AHNAK: variants seen among roughly 807,000 people sequenced by gnomAD.
The protein encoded by AHNAK is neuroblast differentiation-associated protein AHNAK.
In AHNAK, 23 loss-of-function variants were observed where a neutral mutation model predicts 37.8. The ratio of observed to expected loss-of-function variants is 0.61; its 90% CI spans 0.44 to 0.86. The LOEUF (loss-of-function observed/expected upper bound fraction) is 0.86. Among genes scored for constraint, AHNAK ranks in the 40% least tolerant of loss-of-function variants. The pLI is 0.00. For missense variants in AHNAK, 7,411 were observed against 7,319.4 expected, an observed-to-expected ratio of 1.01 and a Z score of -0.46; for synonymous variants, 2,481 against 2,636.3, an observed-to-expected ratio of 0.94 and a Z score of 1.80.
rs1940952595 is a variant in AHNAK, at chr11:62,536,458, C to A, written c.-1+11G>T. The A allele has an allele frequency of 4.8e-6, 1 of 206,518 alleles. No individual in the cohort carries two copies. The highest frequency in any genetic ancestry group is 9.7e-6 in the Non-Finnish European group (1 of 103,118). 12.8% of individuals were successfully genotyped at this position (206,518 alleles called of 1,614,324 possible). A position where few individuals can be genotyped will look rare whatever the true frequency, so the allele number is the denominator to read the frequency against. ...CACCTCCGCCTCTCTCTGCCTCTCC[C>A]ACCTACTGACCTTTGCAGGATTCCG... On this transcript the variant is annotated intron_variant, in intron 2 of 4. Transcript: ENST00000378024.
downstream of AHNAK, among the ~76,000 whole-genome samples, chr11:62,514,419 G>T (rs938553886): frequency 3.9e-5 from 6 of 152,238 alleles, 1 homozygote; most frequent in Non-Finnish European, 7.3e-5. Flanking sequence ...GATGTGTGCA[G>T]TTGTGTGCAT....
rs1466208642 is a variant in AHNAK, at chr11:62,518,992, T to A, written c.15425A>T (p.Lys5142Met). The A allele has an allele frequency of 5.6e-6, 9 of 1,614,062 alleles. No homozygotes were observed. Among genetic ancestry groups the A allele is most frequent in the Middle Eastern group, 1.6e-4 (1 of 6,084 alleles). ...GATGTCCACATCTGGCATCTTGACC[T>A]TGGGAGCCTTCGCCTTGATGTCAAG... ...EGLDIKAKAP[K>M]VKMPDVDISV... The change falls in exon 5 of 5, where the codon AAG becomes ATG. Residue 5142 changes from lysine to methionine, a missense_variant. Lys to Met is a moderately conservative substitution (Grantham distance 95, BLOSUM62 -1). Transcript: ENST00000378024.
chr11:62,464,937 C>T (rs560326122), intron 5 of AHNAK, among the ~76,000 whole-genome samples: 1 of 152,308 alleles, frequency 6.6e-6, no homozygotes, highest in South Asian at 2.1e-4. Context: ...CCTTGTGGAG[C>T]AGTAACAAAC....
intron 5 of AHNAK, among the ~76,000 whole-genome samples, chr11:62,478,028 G>C (rs1590615017): frequency 6.6e-6 from 1 of 152,228 alleles, no homozygotes; most frequent in East Asian, 1.9e-4. Context: ...TACACCAAGA[G>C]CAAAGGGAAG....
In AHNAK at chr11:62,528,654, C is replaced by A. The variant is rs200764526; in HGVS notation, c.5763G>T (p.Lys1921Asn). 17 of 1,610,354 alleles carry A rather than the reference C, an allele frequency of 1.1e-5. No homozygotes were observed. Among genetic ancestry groups the A allele is most frequent in the Non-Finnish European group, 1.4e-5 (17 of 1,179,270 alleles). ...GTAAGTCCACATCAGGCATGGAGAT[C>A]TTGGGGGCCTTGAAGTGCATGTCTG... ...KMPDMHFKAP[K>N]ISMPDVDLHL... Residue 1921 changes from lysine to asparagine, a missense_variant, in exon 5 of 5, where the codon AAG (lysine) becomes AAT (asparagine). Lys to Asn is a moderately conservative substitution (Grantham distance 94). Coordinates refer to ENST00000378024, the MANE Select transcript of AHNAK (RefSeq NM_001620.3).
chr11:62,450,315 G>A (rs891697654), intron 5 of AHNAK, among the ~76,000 whole-genome samples: 5 of 151,464 alleles, frequency 3.3e-5, no homozygotes, highest in East Asian at 1.9e-4. Flanking sequence ...CCACCACCAC[G>A]CCCGGCTATT....
Position 62,523,916 on chromosome 11 carries a change from CT to C in AHNAK, c.10500del (p.Gly3501GlufsTer5). On this transcript the variant is annotated frameshift_variant, in exon 5 of 5. Transcript: ENST00000378024. LOFTEE classifies it low-confidence loss of function (END_TRUNC). ...CTTGGGCCCTCTATGTTGATGTCTCCTTTTGGTAGATCCACAGCTACATCTG... is the reference window on the plus strand; with the variant it reads ...CTTGGGCCCTCTATGTTGATGTCTCCTTTGGTAGATCCACAGCTACATCTG... ...EGPDVAVDLP[K>X]GDINIEGPSM... 1.9e-6 allele frequency: 3 copies of C among 1,614,102 alleles called. No individual in the cohort carries two copies. Among genetic ancestry groups the C allele is most frequent in the Non-Finnish European group, 2.5e-6 (3 of 1,180,018 alleles).
rs769870328 is a variant in AHNAK at position 62,533,014 on chromosome 11, T to C, written c.1403A>G (p.Asp468Gly). Residue 468 changes from aspartate (D) to glycine (G), a missense_variant, in exon 5 of 5, where the codon GAT (aspartate) becomes GGT (glycine). Physicochemically the swap from Asp to Gly is moderately conservative, Grantham distance 94 (BLOSUM62 -1). Transcript: ENST00000378024. ...GEVTVPGVSG[D>G]VSLPEIATGG... ...AGTAGCAATCTCAGGCAGGCTGACA[T>C]CCCCAGAGACCCCAGGAACAGTCAC... The C allele has an allele frequency of 1.9e-6, 3 of 1,614,084 alleles. No individual in the cohort carries two copies. Among genetic ancestry groups the C allele is most frequent in the Admixed American group, 3.3e-5 (2 of 60,020 alleles).
chr11:62,518,671 T>C lies in AHNAK; in HGVS notation c.15746A>G (p.Glu5249Gly), dbSNP rs149153648. 1.2e-6 allele frequency: 2 copies of C among 1,613,986 alleles called. No homozygotes were observed. Among genetic ancestry groups the C allele is most frequent in the African/African-American group, 2.7e-5 (2 of 74,928 alleles). The change falls in exon 5 of 5, where the codon GAG becomes GGG. Residue 5249 changes from glutamate (E) to glycine (G), a missense_variant. Glu to Gly is a moderately conservative substitution (Grantham distance 98). Transcript: ENST00000378024. ...GGCATGGACCTCGGCTCCCCCACCC[T>C]CCATTTTCACACCTGGGATGCCGAT... ...PKIGIPGVKMEGGGAEVHAQL... is the reference protein window; with the variant it reads ...PKIGIPGVKMGGGGAEVHAQL...
At chr11:62,489,176 G>A (rs1420047382) in intron 5 of AHNAK, among the ~76,000 whole-genome samples, 1 of 151,756 alleles carries the variant, frequency 6.6e-6, no homozygotes, top group African/African-American at 2.4e-5. Context: ...GGGAGGTGGA[G>A]GTTGCAGTGA....
chr11:62,528,102 A>C lies in AHNAK; in HGVS notation c.6315T>G (p.Leu2105=). The C allele has an allele frequency of 6.2e-7, 1 of 1,612,350 alleles. No homozygotes were observed. Among genetic ancestry groups the C allele is most frequent in the Non-Finnish European group, 8.5e-7 (1 of 1,179,608 alleles). ...GPEGKLKGPK[L]KMPEMHFKAP... The stretch of plus-strand genomic sequence containing the variant: ...CCTTGAAGTGCATCTCAGGCATCTT[A>C]AGCTTGGGGCCCTTCAGCTTCCCTT... Residue 2105 remains leucine, a synonymous_variant, in exon 5 of 5, where the codon CTT becomes CTG. Coordinates refer to ENST00000378024, the MANE Select transcript of AHNAK (RefSeq NM_001620.3).
Position 62,468,750 on chromosome 11 carries a change from A to T in AHNAK, c.442+22982T>A, listed in dbSNP as rs1938970518. ...GACTGTGCCTGTGAAGAGTCACTGC[A>T]CACCAGCCTGGGCAACATAGTGAGA... On this transcript the variant is annotated intron_variant, in intron 5 of 5. Coordinates refer to the AHNAK transcript ENST00000257247. 2.0e-5 allele frequency among the ~76,000 whole-genome samples: 3 copies of T among 152,268 alleles called. No homozygotes were observed. The South Asian group carries it at 6.2e-4, about 32-fold the overall frequency.
At chr11:62,510,810 C>G (rs929555079) in intron 4 of AHNAK, among the ~76,000 whole-genome samples, 1 of 150,840 alleles carries the variant, frequency 6.6e-6, no homozygotes, top group African/African-American at 2.5e-5. Context: ...GAGATTAAAG[C>G]AAACAAAGTA....
downstream of AHNAK, among the ~76,000 whole-genome samples, chr11:62,511,574 A>C (rs1251759232): frequency 6.6e-6 from 1 of 152,170 alleles, no homozygotes; most frequent in East Asian, 1.9e-4. Flanking sequence ...GATTTTTTAC[A>C]GAAGTAAGTG....
rs115196233 is a variant in AHNAK at position 62,488,967 on chromosome 11, G to A, written c.442+2765C>T. On this transcript the variant is annotated intron_variant, in intron 5 of 5. Coordinates refer to the AHNAK transcript ENST00000257247. ...AATAAAGACACAGGAGCGGCCCAGC[G>A]CGGTGGCTCACACCTGTAATCCCAG... 6.5e-3 allele frequency among the ~76,000 whole-genome samples: 986 copies of A among 152,072 alleles called. 8 individuals carry two copies. The highest frequency in any genetic ancestry group is 0.022 in the African/African-American group (925 of 41,512).
At chr11:62,479,167 C>CTTTTTTTTTTTTT (rs33929407) in intron 5 of AHNAK, among the ~76,000 whole-genome samples, 5 of 116,250 alleles carry the variant, frequency 4.3e-5, no homozygotes, top group South Asian at 2.7e-4. Flanking sequence ...TTTCTTTTTT[C>CTTTTTTTTTTTTT]TTTTTTTTTT....
intron 5 of AHNAK, among the ~76,000 whole-genome samples, chr11:62,434,225 A>G (rs1938112059): frequency 6.6e-6 from 1 of 152,172 alleles, no homozygotes; most frequent in Non-Finnish European, 1.5e-5. Context: ...CATTCAAATA[A>G]CAGAGGAAGG....
Position 62,526,270 on chromosome 11 carries a change from A to T in AHNAK, c.8147T>A (p.Leu2716Gln). ...ATCACCCTTCACTTTGGGTCCTTTCAGGTTTAAGTCAATATCAGGCATGGA... is the reference window on the plus strand; with the variant it reads ...ATCACCCTTCACTTTGGGTCCTTTCTGGTTTAAGTCAATATCAGGCATGGA... ...KISMPDIDLNLKGPKVKGDVD... is the reference protein window; with the variant it reads ...KISMPDIDLNQKGPKVKGDVD... The change falls in exon 5 of 5, where the codon CTG (leucine) becomes CAG (glutamine). Residue 2716 changes from leucine (L) to glutamine (Q), a missense_variant. Physicochemically the swap from Leu to Gln is moderately radical, Grantham distance 113. Coordinates refer to ENST00000378024, the MANE Select transcript of AHNAK (RefSeq NM_001620.3). 1 of 1,613,534 alleles carries T rather than the reference A, an allele frequency of 6.2e-7. No individual in the cohort carries two copies. The highest frequency in any genetic ancestry group is 8.5e-7 in the Non-Finnish European group (1 of 1,179,932).
intron 5 of AHNAK, among the ~76,000 whole-genome samples, chr11:62,438,255 C>T (rs1031549483): frequency 5.9e-5 from 5 of 85,334 alleles, no homozygotes; most frequent in African/African-American, 2.5e-4. Context: ...GTGATCTCGG[C>T]TCACTGCAAC....
Sources: allele counts gnomAD v4.1 joint callset (sites outside exome capture counted in the v4.1 genomes callset), GRCh38; gene constraint gnomAD v4.1.1; transcripts MANE v1.5; gene names NCBI Gene and HGNC (gene_info 2026-07-23, HGNC 2026-07-21).